PLPP1: variants seen among roughly 807,000 people sequenced by gnomAD.
PLPP1 encodes the protein phospholipid phosphatase 1.
PLPP1 carries 24 observed loss-of-function variants against 31.2 expected under a neutral mutation model. The observed-to-expected ratio is 0.77, with a 90% CI of 0.56 to 1.08. PLPP1 has a LOEUF of 1.08. PLPP1 is among the 50% of genes least tolerant of loss of function. The pLI, the probability that PLPP1 is intolerant of heterozygous loss-of-function variation, is 0.00. For missense variants in PLPP1, 319 were observed against 342.7 expected (o/e 0.93, Z 0.55); for synonymous variants, 146 against 126.3 (o/e 1.16, Z -1.05).
chr5:55,489,204 T>C (rs1206448611), intron 1 of PLPP1, among the ~76,000 whole-genome samples: 2 of 151,982 alleles, frequency 1.3e-5, no homozygotes, highest in African/African-American at 2.4e-5. Flanking sequence ...ATCTCAAAAA[T>C]ATATATGTGT....
intron 1 of PLPP1, among the ~76,000 whole-genome samples, chr5:55,492,570 T>C (rs372300867): frequency 1.3e-5 from 2 of 151,648 alleles, no homozygotes; most frequent in African/African-American, 4.8e-5. Flanking sequence ...ACACAAGCAA[T>C]AGGGAGGAGC....
At chr5:55,473,914 C>T (rs1005621513) in intron 2 of PLPP1, among the ~76,000 whole-genome samples, 10 of 152,140 alleles carry the variant, frequency 6.6e-5, no homozygotes, top group African/African-American at 2.2e-4. Context: ...AAGTGATCCT[C>T]CTGACTTGGC....
chr5:55,428,497 A>G (rs968114120), intron 4 of PLPP1, among the ~76,000 whole-genome samples: 1 of 152,200 alleles, frequency 6.6e-6, no homozygotes, highest in Admixed American at 6.5e-5. Context: ...CTTGCCAGCA[A>G]AAGTTTCCTA....
intron 1 of PLPP1, among the ~76,000 whole-genome samples, chr5:55,489,829 G>A (rs1025384926): frequency 3.9e-5 from 6 of 152,178 alleles, no homozygotes; most frequent in Non-Finnish European, 8.8e-5. Context: ...GGAAAGGCAA[G>A]TAACAAGACA....
chr5:55,513,981 C>T (rs907494057), intron 1 of PLPP1, among the ~76,000 whole-genome samples: 3 of 152,108 alleles, frequency 2.0e-5, no homozygotes, highest in Admixed American at 6.6e-5. Flanking sequence ...ATCAAACTTA[C>T]GGAAATCAGA....
intron 4 of PLPP1, among the ~76,000 whole-genome samples, chr5:55,433,923 G>A (rs975428901): frequency 6.6e-6 from 1 of 152,012 alleles, no homozygotes; most frequent in Admixed American, 6.5e-5. Flanking sequence ...GATCACTTGA[G>A]GTCAGGAGTT....
chr5:55,476,144 G>T (rs758345907), intron 1 of PLPP1, among the ~76,000 whole-genome samples: 4 of 151,486 alleles, frequency 2.6e-5, no homozygotes, highest in Non-Finnish European at 5.9e-5. Context: ...ATGCCAAGCT[G>T]GTTTGTTGGT....
chr5:55,478,242 G>A (rs1022767779), intron 1 of PLPP1, among the ~76,000 whole-genome samples: 3 of 151,902 alleles, frequency 2.0e-5, no homozygotes, highest in Non-Finnish European at 4.4e-5. Flanking sequence ...GATAGTAGGG[G>A]AACAAAATAA....
At chr5:55,483,365 G>A (rs1752709187) in intron 1 of PLPP1, among the ~76,000 whole-genome samples, 1 of 152,020 alleles carries the variant, frequency 6.6e-6, no homozygotes, top group Non-Finnish European at 1.5e-5. Flanking sequence ...AGTTGAAAAG[G>A]ATAATTCAAA....
At chr5:55,534,501 G>C (rs1740809297) in intron 1 of PLPP1, 71 bp downstream of exon 1, 3 of 1,432,866 alleles carry the variant, frequency 2.1e-6, no homozygotes, top group Non-Finnish European at 2.8e-6. Flanking sequence ...CCCGCTGCCC[G>C]TCGCGGCTCT....
chr5:55,439,411 A>G (rs796400388), intron 4 of PLPP1, among the ~76,000 whole-genome samples: 3 of 152,286 alleles, frequency 2.0e-5, no homozygotes, highest in South Asian at 4.1e-4. Context: ...TTTTCTGTCC[A>G]TAAATTCTCC....
At chr5:55,458,514 A>G (rs1266137731) in intron 3 of PLPP1, among the ~76,000 whole-genome samples, 1 of 152,208 alleles carries the variant, frequency 6.6e-6, no homozygotes, top group Non-Finnish European at 1.5e-5. Context: ...GGATACTTAA[A>G]TTGCTACACT....
intron 4 of PLPP1, among the ~76,000 whole-genome samples, chr5:55,434,420 G>GA (rs996546865): frequency 5.0e-4 from 74 of 146,734 alleles, no homozygotes; most frequent in South Asian, 1.1e-3. Context: ...CACAGAAATA[G>GA]AAAAAAAAAA....
At chr5:55,433,519 T>TTTTTTTTTTTTGA (rs1751417015) in intron 4 of PLPP1, among the ~76,000 whole-genome samples, 1 of 121,872 alleles carries the variant, frequency 8.2e-6, no homozygotes, top group Non-Finnish European at 1.8e-5. Flanking sequence ...TTTTTTTTTT[T>TTTTTTTTTTTTGA]GACCGAGTCT....
intron 2 of PLPP1, among the ~76,000 whole-genome samples, chr5:55,475,007 C>G (rs182307427): frequency 2.2e-4 from 34 of 151,730 alleles, no homozygotes; most frequent in African/African-American, 8.2e-4. Context: ...CAGATGTGAT[C>G]ATCACATATT....
At chr5:55,520,179 T>G (rs1293437222) in intron 1 of PLPP1, among the ~76,000 whole-genome samples, 1 of 152,222 alleles carries the variant, frequency 6.6e-6, no homozygotes, top group Non-Finnish European at 1.5e-5. Flanking sequence ...ACCTTGTCTA[T>G]GAGCTGTGGG....
intron 1 of PLPP1, among the ~76,000 whole-genome samples, chr5:55,501,752 C>T (rs1037825887): frequency 6.6e-6 from 1 of 152,210 alleles, no homozygotes; most frequent in Non-Finnish European, 1.5e-5. Flanking sequence ...GATCCACCCC[C>T]CTCAGCCTCC....
chr5:55,504,470 A>G (rs1753223418), intron 1 of PLPP1, among the ~76,000 whole-genome samples: 1 of 134,980 alleles, frequency 7.4e-6, no homozygotes, highest in Admixed American at 8.8e-5. Flanking sequence ...GGTTGCAGTG[A>G]GCCGAGATTG....
At chr5:55,518,464 T>C (rs776758479) in intron 1 of PLPP1, among the ~76,000 whole-genome samples, 4 of 152,154 alleles carry the variant, frequency 2.6e-5, no homozygotes, top group African/African-American at 4.8e-5. Context: ...CGGCCTTTTT[T>C]CATTTTTTAA....
Sources: gnomAD v4.1 joint callset for allele counts (sites outside exome capture counted in the v4.1 genomes callset) on GRCh38, gnomAD v4.1.1 for gene constraint, MANE v1.5 for transcripts, NCBI Gene and HGNC (gene_info 2026-07-23, HGNC 2026-07-21) for gene names.